The following KIAA0753 variants were observed in gnomAD, a reference collection of about 807,000 sequenced individuals.
KIAA0753 encodes the protein protein moonraker.
Under a neutral mutation model 116.9 loss-of-function variants are expected in KIAA0753, and 114 were observed. The observed-to-expected ratio is 0.98, with a 90% CI of 0.84 to 1.14. The LOEUF (loss-of-function observed/expected upper bound fraction) is 1.14. KIAA0753 is among the 50% of genes most tolerant of loss of function. The probability of loss-of-function intolerance (pLI) is 0.00; values close to 1 mark genes in which losing one functional copy is unlikely to be tolerated. For synonymous variants in KIAA0753, 405 were observed against 413.1 expected (o/e 0.98, Z 0.24); for missense variants, 1,156 against 1,172.4 (o/e 0.99, Z 0.20).
chr17:6,636,010 A>G (rs988686642), intron 1 of KIAA0753: 2 of 152,194 alleles, frequency 1.3e-5, no homozygotes, highest in African/African-American at 4.8e-5. Context: ...ATAGTACACA[A>G]TTTAGCATTT....
chr17:6,624,536 C>CCACCCA (rs1555532324), intron 4 of KIAA0753, among the ~76,000 whole-genome samples: 1 of 143,910 alleles, frequency 6.9e-6, no homozygotes, highest in Non-Finnish European at 1.5e-5. Context: ...GAGTTTGGCG[C>CCACCCA]CACACACACA....
Position 6,610,042 on chromosome 17 carries a change from GC to G in KIAA0753, c.1663del (p.Ala555HisfsTer21). 2 of 1,614,146 alleles carry G rather than the reference GC, an allele frequency of 1.2e-6. No individual in the cohort carries two copies. The highest frequency in any genetic ancestry group is 4.5e-5 in the East Asian group (2 of 44,884). The stretch of plus-strand genomic sequence containing the variant: ...TGTGGGGTTTGGGGGTATCCATGGT[GC>G]CTTGCGGTCTTTCACAGGCTGCCGG... ...MNRQPVKDRK[A>X]PWIPPNPTSP... is the part of the protein sequence containing the mutation. On this transcript the variant is annotated frameshift_variant, in exon 9 of 19. Transcript: ENST00000361413. LOFTEE classifies it high-confidence loss of function.
Position 6,600,389 on chromosome 17 carries a change from G to A in KIAA0753, c.2079C>T (p.Val693=). Residue 693 remains valine (V), a synonymous_variant, in exon 13 of 19, where the codon GTC becomes GTT. Transcript: ENST00000361413. ...AVLDRLKPLL[V]KAQRVNSTTE... is the part of the protein sequence containing the mutation. ...GAACTAGATAGATTACCTGGGCCTT[G>A]ACCAAGAGAGGCTTCAAACGATCCA... 2.5e-6 allele frequency: 4 copies of A among 1,613,486 alleles called. No individual in the cohort carries two copies. Among genetic ancestry groups the A allele is most frequent in the Admixed American group, 3.3e-5 (2 of 60,016 alleles).
In KIAA0753 at chr17:6,603,069, A is replaced by G. The variant is rs1018873784; in HGVS notation, c.2010-2611T>C. Among the ~76,000 whole-genome samples the G allele has an allele frequency of 5.9e-5, 9 of 152,206 alleles. No individual in the cohort carries two copies. The East Asian group carries it at 1.7e-3, about 29-fold the overall frequency. ...CAACATTTTTAAATTTTAAAATTTA[A>G]ACACTGGCAGAAATGACAAACTCAA... On this transcript the variant is annotated intron_variant, in intron 12 of 18. Transcript: ENST00000361413.
intron 7 of KIAA0753, among the ~76,000 whole-genome samples, chr17:6,615,614 CAAAA>C (rs60310389): frequency 0.23 from 13,042 of 56,372 alleles, 181 homozygotes; most frequent in East Asian, 0.36. Context: ...GACTCCGTCT[CAAAA>C]AAAAAAAAAA....
At chr17:6,615,286 C>T (rs1195661263) in intron 7 of KIAA0753, among the ~76,000 whole-genome samples, 1 of 152,114 alleles carries the variant, frequency 6.6e-6, no homozygotes, top group Non-Finnish European at 1.5e-5. Flanking sequence ...GCCTGTTAGT[C>T]ACCTAGTAGC....
chr17:6,636,907 T>C (rs557146902), intron 1 of KIAA0753: 1 of 152,314 alleles, frequency 6.6e-6, no homozygotes, highest in Non-Finnish European at 1.5e-5. Flanking sequence ...GTCTCTGAAA[T>C]GGCCAAGGCC....
At chr17:6,637,553 C>G (rs1038712321) in intron 1 of KIAA0753, 1 of 153,066 alleles carries the variant, frequency 6.5e-6, no homozygotes, top group Non-Finnish European at 1.5e-5. Flanking sequence ...CCAGACAGGC[C>G]AGAGACATGC....
At chr17:6,631,289 C>T (rs987497145) in intron 2 of KIAA0753, among the ~76,000 whole-genome samples, 1 of 152,174 alleles carries the variant, frequency 6.6e-6, no homozygotes, top group African/African-American at 2.4e-5. Flanking sequence ...GACTATATGC[C>T]GTCAGGCTAA....
chr17:6,591,299 T>C (rs1224346130), intron 16 of KIAA0753, among the ~76,000 whole-genome samples: 1 of 152,356 alleles, frequency 6.6e-6, no homozygotes, highest in East Asian at 1.9e-4. Context: ...TGTCCTTTTC[T>C]TAAGTAGGGA....
At position 6,624,804 on chromosome 17, in the gene KIAA0753, T is replaced by C. The variant is rs1385099246; in HGVS notation, c.776A>G (p.Gln259Arg). 7.0e-6 allele frequency: 11 copies of C among 1,564,270 alleles called. No individual in the cohort carries two copies. The highest frequency in any genetic ancestry group is 9.5e-6 in the Non-Finnish European group (11 of 1,152,296). The change falls in exon 4 of 19, where the codon CAG (glutamine) becomes CGG (arginine). Residue 259 changes from glutamine to arginine, a missense_variant. Physicochemically the swap from Gln to Arg is conservative, Grantham distance 43. Coordinates refer to ENST00000361413, the MANE Select transcript of KIAA0753 (RefSeq NM_014804.3). Reference sequence around the variant, plus strand: ...TCGGGCAGAGCGAGCAGCTTGCTCCTGTCTCCTGATACGGATTCGACGTTC... The same window carrying C: ...TCGGGCAGAGCGAGCAGCTTGCTCCCGTCTCCTGATACGGATTCGACGTTC... The part of the protein sequence containing the change: ...DEERRIRIRR[Q>R]EQAARSARML...
At chr17:6,631,871 G>A (rs1371255148) in intron 2 of KIAA0753, among the ~76,000 whole-genome samples, 2 of 152,078 alleles carry the variant, frequency 1.3e-5, no homozygotes, top group Non-Finnish European at 2.9e-5. Flanking sequence ...AAGACAAGTT[G>A]AGCCTGGAGT....
At chr17:6,590,990 A>AAAG (rs1379081911) in intron 16 of KIAA0753, among the ~76,000 whole-genome samples, 1 of 114,344 alleles carries the variant, frequency 8.7e-6, no homozygotes, top group Non-Finnish European at 1.9e-5. Context: ...GAAGAAGAAG[A>AAAG]AAGAAGAAGG....
rs1460327323 is a variant in KIAA0753, at chr17:6,624,866, A to T, written c.719-5T>A. 1.3e-6 allele frequency: 2 copies of T among 1,536,444 alleles called. No homozygotes were observed. Among genetic ancestry groups the T allele is most frequent in the East Asian group, 4.8e-5 (2 of 41,278 alleles). On this transcript the variant is annotated splice_polypyrimidine_tract_variant and splice_region_variant and intron_variant, in intron 3 of 18. Transcript: ENST00000361413. ...CCAAAGCTTCTTCTAGTCTATCTGAAAATATTAATAGTTTTCCCCAAAAGT... is the reference window on the plus strand; with the variant it reads ...CCAAAGCTTCTTCTAGTCTATCTGATAATATTAATAGTTTTCCCCAAAAGT...
chr17:6,590,360 A>C (rs532436268), intron 17 of KIAA0753, 150 bp downstream of exon 17: 1 of 832,614 alleles, frequency 1.2e-6, no homozygotes, highest in South Asian at 1.7e-5. Flanking sequence ...TCTTGTAAAC[A>C]TGCTATTTAC....
At chr17:6,619,653 C>G (rs1038492249) in intron 7 of KIAA0753, among the ~76,000 whole-genome samples, 2 of 152,164 alleles carry the variant, frequency 1.3e-5, no homozygotes, top group African/African-American at 4.8e-5. Context: ...TCCCAAACCC[C>G]TGGGCTCAAG....
Position 6,612,078 on chromosome 17 carries a change from C to G in KIAA0753, c.1386G>C (p.Ala462=), listed in dbSNP as rs774300856. 8.7e-6 allele frequency: 14 copies of G among 1,614,032 alleles called. No homozygotes were observed. The Admixed American group carries it at 2.3e-4, about 27-fold the overall frequency. The stretch of plus-strand genomic sequence containing the variant: ...ATGGTCCTTCTTCCAGAACTATATC[C>G]GCATCTAATACATCAAGCTCACTCT... ...RLQSELDVLD[A]DIVLEEGPFI... Residue 462 remains alanine, a synonymous_variant, in exon 8 of 19, where the codon GCG becomes GCC. Coordinates refer to ENST00000361413, the MANE Select transcript of KIAA0753 (RefSeq NM_014804.3).
At chr17:6,614,896 T>C (rs1192471873) in intron 7 of KIAA0753, among the ~76,000 whole-genome samples, 1 of 152,160 alleles carries the variant, frequency 6.6e-6, no homozygotes, top group Non-Finnish European at 1.5e-5. Flanking sequence ...CTTCCCAGGT[T>C]CAAGAGATTC....
At chr17:6,591,047 GAA>G (rs67611424) in intron 16 of KIAA0753, among the ~76,000 whole-genome samples, 46,782 of 98,252 alleles carry the variant, frequency 0.48, 10,253 homozygotes, top group Admixed American at 0.53. Context: ...GAAGGAAGAA[GAA>G]GAAGAAGAAG....
Sources: allele counts gnomAD v4.1 joint callset (sites outside exome capture counted in the v4.1 genomes callset), GRCh38; gene constraint gnomAD v4.1.1; transcripts MANE v1.5; gene names NCBI Gene and HGNC (gene_info 2026-07-23, HGNC 2026-07-21).